EFR3A: variants seen among roughly 807,000 people sequenced by gnomAD.
The protein encoded by EFR3A is protein EFR3 homolog A.
EFR3A carries 76 observed loss-of-function variants against 104.4 expected under a neutral mutation model. The ratio of observed to expected loss-of-function variants is 0.73; its 90% CI spans 0.60 to 0.88. EFR3A has a LOEUF of 0.88. Ranked by LOEUF, EFR3A falls within the 40% of genes least tolerant of loss-of-function variation. The pLI is 0.00. For synonymous variants in EFR3A, 330 were observed against 330.0 expected, an observed-to-expected ratio of 1.00 and a Z score of 0.00; for missense variants, 985 against 1,012.5, an observed-to-expected ratio of 0.97 and a Z score of 0.37.
chr8:131,981,998 G>T (rs1820638360), intron 14 of EFR3A, among the ~76,000 whole-genome samples: 1 of 152,040 alleles, frequency 6.6e-6, no homozygotes, highest in Admixed American at 6.6e-5. Context: ...GTCAAAAAGA[G>T]TACTTTTTAT....
At chr8:131,951,340 T>C (rs911049117) in intron 5 of EFR3A, among the ~76,000 whole-genome samples, 3 of 152,090 alleles carry the variant, frequency 2.0e-5, no homozygotes, top group Non-Finnish European at 4.4e-5. Flanking sequence ...TGTAAAGCCT[T>C]CTCAGAGGTA....
rs1475893648 is a variant in EFR3A at position 131,926,541 on chromosome 8, T to TA, written c.11-13957dup. On this transcript the variant is annotated intron_variant, in intron 1 of 22. Transcript: ENST00000254624. ...AGATACTAAAAATTACATTTTAAGATATATGTCTGCTTACTGCCAAAACTT... is the reference window on the plus strand; with the variant it reads ...AGATACTAAAAATTACATTTTAAGATAATATGTCTGCTTACTGCCAAAACTT... 2.6e-5 allele frequency among the ~76,000 whole-genome samples: 4 copies of TA among 152,258 alleles called. No individual in the cohort carries two copies. The East Asian group carries it at 5.8e-4, about 22-fold the overall frequency.
In EFR3A at chr8:132,011,039, A is replaced by G. The variant is rs986017874; in HGVS notation, c.*144A>G. The G allele has an allele frequency of 3.1e-6, 4 of 1,297,390 alleles. No individual in the cohort carries two copies. The highest frequency in any genetic ancestry group is 2.6e-5 in the East Asian group (1 of 37,828). 80.4% of individuals were successfully genotyped at this position (1,297,390 alleles called of 1,614,324 possible). On this transcript the variant is annotated 3_prime_UTR_variant, in exon 23 of 23. Transcript: ENST00000254624. ...TCTTTAACCAAATGTTTGGCATACC[A>G]TATTAGAAGTTTTGGAGCTATATAT...
At chr8:131,905,194 G>C (rs1419953614) in intron 1 of EFR3A, among the ~76,000 whole-genome samples, 2 of 152,166 alleles carry the variant, frequency 1.3e-5, no homozygotes, top group Non-Finnish European at 2.9e-5. Context: ...TCATTGATTT[G>C]AGAATTCAAG....
chr8:131,987,412 C>T (rs1425024495), intron 17 of EFR3A, among the ~76,000 whole-genome samples, 163 bp from the exon 18 acceptor site: 1 of 152,108 alleles, frequency 6.6e-6, no homozygotes, highest in Admixed American at 6.6e-5. Context: ...TTTTAAAGAG[C>T]TCAAATTAGT....
chr8:131,943,100 A>T (rs1372770098), intron 2 of EFR3A, among the ~76,000 whole-genome samples: 1 of 152,074 alleles, frequency 6.6e-6, no homozygotes, highest in African/African-American at 2.4e-5. Context: ...CTGACATGAT[A>T]CTCAAAGGAA....
chr8:131,982,452 G>A (rs1011133898), intron 14 of EFR3A, among the ~76,000 whole-genome samples: 1 of 151,876 alleles, frequency 6.6e-6, no homozygotes, highest in African/African-American at 2.4e-5. Context: ...AAACATGCTT[G>A]TACACATGTT....
chr8:131,990,969 G>A (rs1455200281), intron 18 of EFR3A, among the ~76,000 whole-genome samples: 3 of 152,042 alleles, frequency 2.0e-5, no homozygotes, highest in Admixed American at 2.0e-4. Context: ...TTTTCTGGGA[G>A]GGATGACAGA....
rs77747943 is a variant in EFR3A at position 132,011,530 on chromosome 8, G to T, written c.*635G>T. 45 of 700,040 alleles carry T rather than the reference G, an allele frequency of 6.4e-5. No individual in the cohort carries two copies. The South Asian group carries it at 2.7e-3, about 42-fold the overall frequency. 43.4% of individuals were successfully genotyped at this position (700,040 alleles called of 1,614,324 possible). ...AAAAACGCCATACTTTAAATTGTCT[G>T]GTTCTTGTAATATTGTGTTTCCTGC... On this transcript the variant is annotated 3_prime_UTR_variant, in exon 23 of 23. Transcript: ENST00000254624.
intron 5 of EFR3A, 134 bp downstream of exon 5, chr8:131,950,224 T>G: frequency 3.1e-6 from 3 of 982,584 alleles, no homozygotes; most frequent in African/African-American, 1.7e-5. Flanking sequence ...TTAGAAGCTA[T>G]AATTGCTGAC....
chr8:131,912,001 G>A (rs58545698), intron 1 of EFR3A, among the ~76,000 whole-genome samples: 2 of 152,178 alleles, frequency 1.3e-5, no homozygotes, highest in Non-Finnish European at 2.9e-5. Context: ...GGGGAAAAAG[G>A]GTTCTGGTTT....
intron 8 of EFR3A, among the ~76,000 whole-genome samples, chr8:131,966,792 A>T (rs532241427): frequency 3.3e-5 from 5 of 152,280 alleles, no homozygotes; most frequent in Admixed American, 6.5e-5. Context: ...ATTGCCTTAA[A>T]CTTCAGTGTA....
rs551239876 is a variant in EFR3A, at chr8:131,973,863, A to T, written c.1160-2164A>T. 3.9e-5 allele frequency among the ~76,000 whole-genome samples: 6 copies of T among 152,334 alleles called. No homozygotes were observed. In the South Asian group the frequency reaches 1.2e-3, roughly 32 times the overall value. ...AGATGCTTTTGGTGACTTTATCCTTAGAGTTAATCATGTTGAAGACTCCTA... is the reference window on the plus strand; with the variant it reads ...AGATGCTTTTGGTGACTTTATCCTTTGAGTTAATCATGTTGAAGACTCCTA... On this transcript the variant is annotated intron_variant, in intron 10 of 22. Coordinates refer to ENST00000254624, the MANE Select transcript of EFR3A (RefSeq NM_015137.6).
rs1478553812 is a variant in EFR3A at position 131,953,918 on chromosome 8, A to T, written c.589A>T (p.Ile197Phe). The T allele has an allele frequency of 5.1e-6, 8 of 1,572,086 alleles. No homozygotes were observed. The highest frequency in any genetic ancestry group is 6.9e-6 in the Non-Finnish European group (8 of 1,157,632). The change falls in exon 6 of 23, where the codon ATT becomes TTT. Residue 197 changes from isoleucine (I) to phenylalanine (F), a missense_variant. Physicochemically the swap from Ile to Phe is conservative, Grantham distance 21 (BLOSUM62 0). Transcript: ENST00000254624. ...TTGGGAACCTCAGCATATGGATAAG[A>T]TTGTTCCATCCCTCCTGTTTAACAT... ...TIWEPQHMDK[I>F]VPSLLFNMQK...
Position 132,011,406 on chromosome 8 carries a change from C to T in EFR3A, c.*511C>T, listed in dbSNP as rs1822338731. ...TGCTTTAGATAAGCTGGGATAGGCA[C>T]CTTGCTATTCAGTTACTATAATAAT... On this transcript the variant is annotated 3_prime_UTR_variant, in exon 23 of 23. Coordinates refer to ENST00000254624, the MANE Select transcript of EFR3A (RefSeq NM_015137.6). 3.0e-6 allele frequency: 3 copies of T among 985,818 alleles called. No homozygotes were observed. The highest frequency in any genetic ancestry group is 4.7e-5 in the South Asian group (1 of 21,312). 61.1% of individuals were successfully genotyped at this position (985,818 alleles called of 1,614,324 possible). A position where few individuals can be genotyped will look rare whatever the true frequency, so the allele number is the denominator to read the frequency against.
rs555194150 is a variant in EFR3A at position 131,910,209 on chromosome 8, C to G, written c.10+5887C>G. 4.6e-5 allele frequency among the ~76,000 whole-genome samples: 7 copies of G among 152,320 alleles called. No homozygotes were observed. The East Asian group carries it at 9.7e-4, about 21-fold the overall frequency. On this transcript the variant is annotated intron_variant, in intron 1 of 22. Coordinates refer to ENST00000254624, the MANE Select transcript of EFR3A (RefSeq NM_015137.6). The stretch of plus-strand genomic sequence containing the variant: ...AGCCTAGCTTTTTGGGGAACTCATT[C>G]TGCTTAGACTCTGACTCTAGGTGAC...
chr8:131,976,054 A>T lies in EFR3A; in HGVS notation c.1187A>T (p.Tyr396Phe), dbSNP rs375902514. ...TTTTTTGGAAGTAACCTACCAGATTATCAGAGGTCAGAAATCATGATGTTC... is the reference window on the plus strand; with the variant it reads ...TTTTTTGGAAGTAACCTACCAGATTTTCAGAGGTCAGAAATCATGATGTTC... ...IGFFGSNLPDYQRSEIMMFIM... is the reference protein window; with the variant it reads ...IGFFGSNLPDFQRSEIMMFIM... Residue 396 changes from tyrosine (Y) to phenylalanine (F), a missense_variant, in exon 11 of 23, where the codon TAT (tyrosine) becomes TTT (phenylalanine). Transcript: ENST00000254624. 8 of 1,605,488 alleles carry T rather than the reference A, an allele frequency of 5.0e-6. No individual in the cohort carries two copies. Among genetic ancestry groups the T allele is most frequent in the Non-Finnish European group, 6.8e-6 (8 of 1,175,496 alleles).
chr8:131,975,410 C>CT (rs760100564), intron 10 of EFR3A, among the ~76,000 whole-genome samples: 9,850 of 100,782 alleles, frequency 0.098, 387 homozygotes, highest in South Asian at 0.21. Context: ...TTTTTTTTTC[C>CT]TATTTTTTTT....
chr8:131,931,791 A>G (rs558942272), intron 1 of EFR3A, among the ~76,000 whole-genome samples: 4 of 151,088 alleles, frequency 2.6e-5, no homozygotes, highest in Admixed American at 1.3e-4. Context: ...CTGGTCTTCT[A>G]TGTTTCTTTT....
Sources: allele counts gnomAD v4.1 joint callset (sites outside exome capture counted in the v4.1 genomes callset), GRCh38; gene constraint gnomAD v4.1.1; transcripts MANE v1.5; gene names NCBI Gene and HGNC (gene_info 2026-07-23, HGNC 2026-07-21).